The following NEB variants were observed in gnomAD, a reference collection of about 807,000 sequenced individuals.
NEB encodes the protein nebulin.
In NEB, 512 loss-of-function variants were observed where a neutral mutation model predicts 952.2. The ratio of observed to expected loss-of-function variants is 0.54; its 90% CI spans 0.50 to 0.58. The LOEUF (loss-of-function observed/expected upper bound fraction) is 0.58, where lower values mean the gene tolerates loss of function less well. NEB is among the 20% of genes least tolerant of loss of function. The probability of loss-of-function intolerance (pLI) is 0.00; values close to 1 mark genes in which losing one functional copy is unlikely to be tolerated. For missense variants in NEB, 8,428 were observed against 9,231.1 expected, an observed-to-expected ratio of 0.91 and a Z score of 3.56; for synonymous variants, 2,900 against 3,149.8, an observed-to-expected ratio of 0.92 and a Z score of 2.66.
At chr2:151,716,696 C>T (rs2099760147) in intron 10 of NEB, among the ~76,000 whole-genome samples, 1 of 152,000 alleles carries the variant, frequency 6.6e-6, no homozygotes, top group African/African-American at 2.4e-5. Flanking sequence ...CCAGAAAATG[C>T]TTAAGATAAA....
In NEB at chr2:151,671,210, T is replaced by C; in HGVS notation, c.4319A>G (p.Tyr1440Cys). Residue 1440 changes from tyrosine (Y) to cysteine (C), a missense_variant, in exon 38 of 182, where the codon TAT becomes TGT. Tyr to Cys is a radical substitution (Grantham distance 194, BLOSUM62 -2). Coordinates refer to ENST00000397345, the MANE Select transcript of NEB (RefSeq NM_001164508.2). ...TCCGATGCCCTTCAAGAAGCTGTTA[T>C]ACTCGTCTTTATACACATTCTGTAA... is the stretch of plus-strand genomic sequence containing the variant. ...IQSDNVYKDE[Y>C]NSFLKGIGWI... The C allele has an allele frequency of 1.9e-6, 3 of 1,613,570 alleles. No homozygotes were observed. The South Asian group carries it at 3.3e-5, about 18-fold the overall frequency.
chr2:151,572,374 C>T (rs2096660520), intron 107 of NEB, among the ~76,000 whole-genome samples: 1 of 151,436 alleles, frequency 6.6e-6, no homozygotes, highest in African/African-American at 2.4e-5. Context: ...ATAGTTAATG[C>T]AAACGTGTAT....
chr2:151,519,626 T>C (rs2153395147), intron 154 of NEB, 32 bp downstream of exon 154: 1 of 1,471,506 alleles, frequency 6.8e-7, no homozygotes, highest in East Asian at 2.3e-5. Flanking sequence ...AAATACCATG[T>C]TATATATTTT....
At chr2:151,535,585 G>T in intron 142 of NEB, 106 bp downstream of exon 142, 1 of 636,268 alleles carries the variant, frequency 1.6e-6, no homozygotes, top group Non-Finnish European at 2.6e-6. Context: ...TGAAAACTTA[G>T]GATGGCTTTC....
Position 151,697,268 on chromosome 2 carries a change from A to G in NEB, c.1366-16T>C, listed in dbSNP as rs779368285. The G allele has an allele frequency of 1.2e-6, 2 of 1,612,272 alleles. No homozygotes were observed. The highest frequency in any genetic ancestry group is 3.3e-5 in the Admixed American group (2 of 60,030). ...TGTAGTTTTTCTATGAGGAGAAGAA[A>G]TTAGGCATAAGATGCAGCCATTGTA... On this transcript the variant is annotated splice_polypyrimidine_tract_variant and intron_variant, in intron 15 of 181. Transcript: ENST00000397345.
chr2:151,514,294 G>A (rs768884077), intron 159 of NEB, 24 bp downstream of exon 159: 1 of 1,476,258 alleles, frequency 6.8e-7, no homozygotes. Context: ...TGAATTACGT[G>A]CAGGCAGTCA....
Position 151,636,350 on chromosome 2 carries a change from A to G in NEB, c.8995-16T>C, listed in dbSNP as rs777891430. On this transcript the variant is annotated splice_polypyrimidine_tract_variant and intron_variant, in intron 63 of 181. Transcript: ENST00000397345. ...TGTACAGACTCTAAATTTGGGGGAA[A>G]AAAAATCAGATGCTGACATTTATAT... is the stretch of plus-strand genomic sequence containing the variant. 1.3e-6 allele frequency: 2 copies of G among 1,576,552 alleles called. No individual in the cohort carries two copies. The highest frequency in any genetic ancestry group is 2.2e-5 in the East Asian group (1 of 44,464).
At chr2:151,538,529 G>A (rs1358684585) in intron 138 of NEB, among the ~76,000 whole-genome samples, 1 of 152,082 alleles carries the variant, frequency 6.6e-6, no homozygotes, top group South Asian at 2.1e-4. Context: ...GAGGATATGG[G>A]TGTTCCCCTG....
chr2:151,635,513 C>T (rs1436006576), intron 64 of NEB, among the ~76,000 whole-genome samples: 1 of 152,014 alleles, frequency 6.6e-6, no homozygotes, highest in African/African-American at 2.4e-5. Flanking sequence ...TTGGGACCAG[C>T]CTGGCCAACA....
chr2:151,601,460 G>A (rs77291572), intron 88 of NEB, among the ~76,000 whole-genome samples: 81,607 of 85,564 alleles, frequency 0.95, 39,694 homozygotes, highest in East Asian at 1. Context: ...TTAAAAATGT[G>A]TAACCCTATC....
chr2:151,554,044 AT>A lies in NEB; in HGVS notation c.19429-20del. ...ACAGGCGCTGTAAAGTTAAAATCACATGCCAGTTATACAGGAAATTGTGCCA... is the reference window on the plus strand; with the variant it reads ...ACAGGCGCTGTAAAGTTAAAATCACAGCCAGTTATACAGGAAATTGTGCCA... On this transcript the variant is annotated intron_variant, in intron 125 of 181. Transcript: ENST00000397345. 6.2e-7 allele frequency: 1 copy of A among 1,611,064 alleles called. No individual in the cohort carries two copies. The highest frequency in any genetic ancestry group is 8.5e-7 in the Non-Finnish European group (1 of 1,177,504).
At position 151,688,270 on chromosome 2, in the gene NEB, C is replaced by A. The variant is rs773199613; in HGVS notation, c.2415+22G>T. The A allele has an allele frequency of 4.9e-5, 75 of 1,521,310 alleles. No individual in the cohort carries two copies. The Admixed American group carries it at 9.4e-4, about 19-fold the overall frequency. The allele number at this position is 1,521,310 out of a possible 1,614,324, so 94.2% of individuals were successfully genotyped here. On this transcript the variant is annotated intron_variant, in intron 25 of 181. Coordinates refer to ENST00000397345, the MANE Select transcript of NEB (RefSeq NM_001164508.2). The stretch of plus-strand genomic sequence containing the variant: ...TCTTTTCATGTACACCAAACATAGG[C>A]TTCTGTGGCTTTGGTACTTACATCA...
intron 181 of NEB, chr2:151,486,794 TTAGG>T (rs1189674705): frequency 6.6e-6 from 1 of 152,240 alleles, no homozygotes; most frequent in Non-Finnish European, 1.5e-5. Flanking sequence ...ATGAAATGTC[TTAGG>T]TAGCCAAATA....
chr2:151,629,815 T>C (rs1198069895), intron 67 of NEB, among the ~76,000 whole-genome samples, 169 bp from the exon 68 acceptor site: 2 of 152,142 alleles, frequency 1.3e-5, no homozygotes, highest in Non-Finnish European at 2.9e-5. Context: ...AAATACTATA[T>C]AGCGTTAGAA....
At chr2:151,640,264 C>A in intron 61 of NEB, 91 bp downstream of exon 61, 1 of 1,550,926 alleles carries the variant, frequency 6.4e-7, no homozygotes. Context: ...CCTCCAGGGG[C>A]TGGTGAGCTT....
At chr2:151,628,753 T>C (rs981046044) in intron 68 of NEB, among the ~76,000 whole-genome samples, 17 of 152,162 alleles carry the variant, frequency 1.1e-4, no homozygotes, top group South Asian at 8.3e-4. Context: ...TCCCAGTTAC[T>C]TGGGAGGCTG....
At chr2:151,560,981 G>A (rs2096004681) in intron 123 of NEB, 23 bp downstream of exon 123, 4 of 1,454,726 alleles carry the variant, frequency 2.7e-6, no homozygotes, top group Non-Finnish European at 3.8e-6. Flanking sequence ...TCATATATAA[G>A]GGGGAAAAAA....
rs527803367 is a variant in NEB at position 151,547,801 on chromosome 2, A to C, written c.20158-63T>G. 3.7e-5 allele frequency: 39 copies of C among 1,061,314 alleles called. No homozygotes were observed. In the East Asian group the frequency reaches 9.8e-4, roughly 27 times the overall value. 65.7% of individuals were successfully genotyped at this position (1,061,314 alleles called of 1,614,324 possible). On this transcript the variant is annotated intron_variant, in intron 131 of 181. Coordinates refer to ENST00000397345, the MANE Select transcript of NEB (RefSeq NM_001164508.2). Reference sequence around the variant, plus strand: ...GGGACGACGAGGGCATCTACTGACTAATCAAGAATAAAATATTTTACATAA... The same window carrying C: ...GGGACGACGAGGGCATCTACTGACTCATCAAGAATAAAATATTTTACATAA...
rs35824119 is a variant in NEB at position 151,491,037 on chromosome 2, CTT to C, written c.25151-521_25151-520del. Among the ~76,000 whole-genome samples the C allele has an allele frequency of 1.8e-3, 246 of 137,990 alleles. 1 individual carries two copies. The highest frequency in any genetic ancestry group is 4.4e-3 in the East Asian group (21 of 4,720). 90.5% of individuals were successfully genotyped at this position (137,990 alleles called of 152,430 possible). A position where few individuals can be genotyped will look rare whatever the true frequency, so the allele number is the denominator to read the frequency against. On this transcript the variant is annotated intron_variant, in intron 179 of 181. Coordinates refer to ENST00000397345, the MANE Select transcript of NEB (RefSeq NM_001164508.2). ...TTGAGGACTGTCTCTACATAATATCCTTTTTTTTTTTTTTTGAGATGGGGTCT... is the reference window on the plus strand; with the variant it reads ...TTGAGGACTGTCTCTACATAATATCCTTTTTTTTTTTTTGAGATGGGGTCT...
Sources: gnomAD v4.1 joint callset for allele counts (sites outside exome capture counted in the v4.1 genomes callset) on GRCh38, gnomAD v4.1.1 for gene constraint, MANE v1.5 for transcripts, NCBI Gene and HGNC (gene_info 2026-07-23, HGNC 2026-07-21) for gene names.